RAB27B: variants seen among roughly 807,000 people sequenced by gnomAD.
The protein encoded by RAB27B is RAB27B, member RAS oncogene family.
Under a neutral mutation model 24.6 loss-of-function variants are expected in RAB27B, and 15 were observed. That is an observed-to-expected ratio of 0.61 (90% CI 0.41 to 0.94). The LOEUF is 0.94. Among genes scored for constraint, RAB27B ranks in the 40% least tolerant of loss-of-function variants. The pLI, the probability that RAB27B is intolerant of heterozygous loss-of-function variation, is 0.00. For missense variants in RAB27B, 261 were observed against 266.8 expected, an observed-to-expected ratio of 0.98 and a Z score of 0.15; for synonymous variants, 105 against 92.5, an observed-to-expected ratio of 1.14 and a Z score of -0.78.
intron 2 of RAB27B, among the ~76,000 whole-genome samples, chr18:54,772,032 T>C (rs1908567907): frequency 6.6e-6 from 1 of 152,224 alleles, no homozygotes; most frequent in Admixed American, 6.5e-5. Flanking sequence ...ACTGGTTTAC[T>C]GAAAAGCTCC....
At chr18:54,766,236 A>G (rs1908358260) in intron 2 of RAB27B, among the ~76,000 whole-genome samples, 1 of 152,202 alleles carries the variant, frequency 6.6e-6, no homozygotes, top group Non-Finnish European at 1.5e-5. Flanking sequence ...AGAAACAAAT[A>G]TAAAGCAAAG....
At chr18:54,740,503 A>T (rs990367506) in intron 2 of RAB27B, among the ~76,000 whole-genome samples, 4 of 152,164 alleles carry the variant, frequency 2.6e-5, no homozygotes, top group Admixed American at 6.5e-5. Context: ...GGAAATGAGG[A>T]CCTTCTTTCC....
At chr18:54,874,291 C>A (rs951596403) in intron 1 of RAB27B, among the ~76,000 whole-genome samples, 11 of 152,072 alleles carry the variant, frequency 7.2e-5, no homozygotes, top group African/African-American at 2.7e-4. Context: ...CACTGCAGTC[C>A]CTGAAGACAC....
intron 2 of RAB27B, among the ~76,000 whole-genome samples, chr18:54,818,225 T>C (rs1910181194): frequency 6.6e-6 from 1 of 152,232 alleles, no homozygotes; most frequent in Non-Finnish European, 1.5e-5. Flanking sequence ...ATGCCCTTCC[T>C]AAAGAGTTAG....
intron 1 of RAB27B, among the ~76,000 whole-genome samples, chr18:54,833,007 A>T (rs1006019770): frequency 6.6e-6 from 1 of 152,214 alleles, no homozygotes; most frequent in African/African-American, 2.4e-5. Flanking sequence ...TCAATTTTTT[A>T]AAATGACTTG....
chr18:54,746,032 G>A (rs1054321356), intron 2 of RAB27B, among the ~76,000 whole-genome samples: 1 of 151,830 alleles, frequency 6.6e-6, no homozygotes, highest in Non-Finnish European at 1.5e-5. Flanking sequence ...GAAGGGAGGC[G>A]GTCTCACTCT....
chr18:54,787,928 G>A (rs1909138786), intron 2 of RAB27B, among the ~76,000 whole-genome samples: 1 of 152,150 alleles, frequency 6.6e-6, no homozygotes, highest in Non-Finnish European at 1.5e-5. Flanking sequence ...TTCCACTCAA[G>A]GAATGTTGAA....
chr18:54,861,379 TAACTC>T (rs775244938), intron 1 of RAB27B, among the ~76,000 whole-genome samples: 5 of 152,212 alleles, frequency 3.3e-5, no homozygotes, highest in Non-Finnish European at 5.9e-5. Flanking sequence ...ATATATCACA[TAACTC>T]TACAGAGAAA....
At chr18:54,872,758 C>T (rs780208099) in intron 1 of RAB27B, among the ~76,000 whole-genome samples, 1 of 152,140 alleles carries the variant, frequency 6.6e-6, no homozygotes. Context: ...CTCGGATGGA[C>T]ACCACTTCCA....
At position 54,868,138 on chromosome 18, in the gene RAB27B, G is replaced by C. The variant is rs373604644; in HGVS notation, c.-19-9429G>C. On this transcript the variant is annotated intron_variant, in intron 1 of 5. Transcript: ENST00000262094. ...GTTCTTATTTTATTAAAATAAAAGT[G>C]GGAGAGATGCTAAGTGGGGGAGATG... Among the ~76,000 whole-genome samples the C allele has an allele frequency of 7.2e-4, 109 of 152,204 alleles. No homozygotes were observed. In the South Asian group the frequency reaches 0.017, roughly 23 times the overall value.
At chr18:54,781,334 G>A (rs80219780) in intron 2 of RAB27B, among the ~76,000 whole-genome samples, 6,267 of 151,940 alleles carry the variant, frequency 0.041, 423 homozygotes, top group African/African-American at 0.14. Context: ...AGTGGGTGAG[G>A]AGAATGGAGC....
At chr18:54,883,239 T>G (rs1275377897) in intron 3 of RAB27B, among the ~76,000 whole-genome samples, 2 of 152,120 alleles carry the variant, frequency 1.3e-5, no homozygotes, top group Non-Finnish European at 2.9e-5. Flanking sequence ...AGGGAACATC[T>G]GGATCTCTAA....
chr18:54,885,489 A>G (rs1158172142), intron 4 of RAB27B, among the ~76,000 whole-genome samples: 3 of 152,118 alleles, frequency 2.0e-5, no homozygotes, highest in Non-Finnish European at 4.4e-5. Flanking sequence ...TATTCCCAGT[A>G]TGAAAATCTT....
intron 2 of RAB27B, among the ~76,000 whole-genome samples, chr18:54,799,542 T>C (rs1207516682): frequency 1.3e-5 from 2 of 151,154 alleles, no homozygotes; most frequent in African/African-American, 4.9e-5. Context: ...CAATGGTTAA[T>C]ACTTTTATTA....
In RAB27B at chr18:54,889,747, C is replaced by T. The variant is rs148739453; in HGVS notation, c.*334C>T. 2.3e-3 allele frequency: 382 copies of T among 169,162 alleles called. 1 individual carries two copies. The highest frequency in any genetic ancestry group is 8.5e-3 in the African/African-American group (358 of 42,214). The allele number at this position is 169,162 out of a possible 1,614,324, so 10.5% of individuals were successfully genotyped here. A position where few individuals can be genotyped will look rare whatever the true frequency, so the allele number is the denominator to read the frequency against. On this transcript the variant is annotated 3_prime_UTR_variant, in exon 6 of 6. Transcript: ENST00000262094. ...TTTTAAATCAGAACAAGTTACCTGTCACATTGAAGAAAAGGGTAGGCACTA... is the reference window on the plus strand; with the variant it reads ...TTTTAAATCAGAACAAGTTACCTGTTACATTGAAGAAAAGGGTAGGCACTA...
intron 2 of RAB27B, among the ~76,000 whole-genome samples, chr18:54,736,756 G>A (rs922202446): frequency 1.6e-4 from 24 of 152,196 alleles, no homozygotes; most frequent in African/African-American, 5.8e-4. Context: ...ATTGAGTGAG[G>A]AATTTCAGGA....
chr18:54,725,630 G>C (rs940536589), intron 2 of RAB27B, among the ~76,000 whole-genome samples: 1 of 151,444 alleles, frequency 6.6e-6, no homozygotes, highest in African/African-American at 2.4e-5. Context: ...TCATGGCAGA[G>C]GGCACCTCTT....
At chr18:54,781,073 G>A (rs1215050906) in intron 2 of RAB27B, among the ~76,000 whole-genome samples, 1 of 152,144 alleles carries the variant, frequency 6.6e-6, no homozygotes, top group Non-Finnish European at 1.5e-5. Context: ...TTTCACCTTA[G>A]CTGCCCTGCA....
intron 2 of RAB27B, among the ~76,000 whole-genome samples, chr18:54,794,714 C>T (rs1909360268): frequency 6.6e-6 from 1 of 152,152 alleles, no homozygotes; most frequent in South Asian, 2.1e-4. Flanking sequence ...TGTCCAATGG[C>T]GATGATTAGC....
Sources: allele counts gnomAD v4.1 joint callset (sites outside exome capture counted in the v4.1 genomes callset), GRCh38; gene constraint gnomAD v4.1.1; transcripts MANE v1.5; gene names NCBI Gene and HGNC (gene_info 2026-07-23, HGNC 2026-07-21).